Variants in GPR39 observed in about 807,000 individuals in gnomAD.
GPR39 encodes G protein-coupled receptor 39.
Under a neutral mutation model 18.4 loss-of-function variants are expected in GPR39, and 23 were observed. The observed-to-expected ratio is 1.25, with a 90% CI of 0.90 to 1.77. The LOEUF is 1.77. Among genes scored for constraint, GPR39 ranks in the 40% most tolerant of loss-of-function variants. GPR39 has a pLI of 0.00. For missense variants in GPR39, 647 were observed against 602.4 expected (o/e 1.07, Z -0.78); for synonymous variants, 280 against 257.9 (o/e 1.09, Z -0.82).
intron 1 of GPR39, among the ~76,000 whole-genome samples, chr2:132,565,024 G>A (rs970258673): frequency 6.6e-6 from 1 of 151,466 alleles, no homozygotes; most frequent in Non-Finnish European, 1.5e-5. Flanking sequence ...TCACCATGTT[G>A]GCCAGGATGG....
At chr2:132,497,366 C>T (rs1019284466) in intron 1 of GPR39, among the ~76,000 whole-genome samples, 2 of 147,674 alleles carry the variant, frequency 1.4e-5, no homozygotes, top group Non-Finnish European at 3.0e-5. Flanking sequence ...TTGTAGGGCC[C>T]AATGAGAGAG....
chr2:132,491,710 G>A (rs992299893), intron 1 of GPR39, among the ~76,000 whole-genome samples: 2 of 151,880 alleles, frequency 1.3e-5, no homozygotes, highest in African/African-American at 4.8e-5. Flanking sequence ...ATAGTAATCC[G>A]GGTGTGAATC....
intron 1 of GPR39, among the ~76,000 whole-genome samples, chr2:132,503,930 A>G (rs1573635587): frequency 6.6e-6 from 1 of 152,164 alleles, no homozygotes; most frequent in Non-Finnish European, 1.5e-5. Context: ...TGTAGTCCTA[A>G]TGGCCTCATT....
At chr2:132,529,024 G>C (rs1679560831) in intron 1 of GPR39, among the ~76,000 whole-genome samples, 1 of 152,108 alleles carries the variant, frequency 6.6e-6, no homozygotes, top group South Asian at 2.1e-4. Flanking sequence ...GTGGGTGCAG[G>C]ACAGTGGGTG....
chr2:132,592,369 G>T (rs1353519335), intron 1 of GPR39, among the ~76,000 whole-genome samples: 1 of 152,220 alleles, frequency 6.6e-6, no homozygotes, highest in African/African-American at 2.4e-5. Flanking sequence ...GGCACAGAAG[G>T]TCCAAAAGTC....
intron 1 of GPR39, among the ~76,000 whole-genome samples, chr2:132,545,655 CGTGTGT>C (rs35108024): frequency 2.7e-5 from 4 of 149,850 alleles, no homozygotes; most frequent in South Asian, 2.1e-4. Flanking sequence ...GTGTGATGGG[CGTGTGT>C]GTGTGTGTGT....
chr2:132,561,958 AC>A (rs1176201311), intron 1 of GPR39, among the ~76,000 whole-genome samples: 7 of 149,012 alleles, frequency 4.7e-5, no homozygotes, highest in African/African-American at 1.6e-4. Context: ...TACTAGGCCT[AC>A]CTATTCAAAT....
At chr2:132,545,569 G>T (rs1161319748) in intron 1 of GPR39, among the ~76,000 whole-genome samples, 1 of 152,100 alleles carries the variant, frequency 6.6e-6, no homozygotes, top group African/African-American at 2.4e-5. Context: ...ATCTGTCCCT[G>T]TTCCAGATCC....
intron 1 of GPR39, among the ~76,000 whole-genome samples, chr2:132,502,408 C>T (rs9646690): frequency 0.34 from 52,000 of 152,004 alleles, 10,156 homozygotes; most frequent in East Asian, 0.78. Context: ...GGACCCCAAT[C>T]GCTTCTAGCT....
At chr2:132,480,048 A>G (rs529921732) in intron 1 of GPR39, among the ~76,000 whole-genome samples, 7 of 152,220 alleles carry the variant, frequency 4.6e-5, no homozygotes, top group Non-Finnish European at 1.5e-5. Flanking sequence ...AACAGATGGT[A>G]TATACGTGTA....
chr2:132,550,275 AC>A (rs1680019094), intron 1 of GPR39, among the ~76,000 whole-genome samples: 1 of 152,258 alleles, frequency 6.6e-6, no homozygotes, highest in Admixed American at 6.5e-5. Flanking sequence ...ATGCTAGCTA[AC>A]GTGAAAAGGA....
intron 1 of GPR39, among the ~76,000 whole-genome samples, chr2:132,542,717 C>T (rs1197690891): frequency 6.6e-6 from 1 of 151,032 alleles, no homozygotes; most frequent in African/African-American, 2.5e-5. Context: ...CAAAAAATCA[C>T]TAGAAACATC....
chr2:132,566,247 T>A (rs1680348454), intron 1 of GPR39, among the ~76,000 whole-genome samples: 1 of 147,504 alleles, frequency 6.8e-6, no homozygotes, highest in South Asian at 2.2e-4. Flanking sequence ...TTGATGGGGT[T>A]GTTTGTTTTT....
At chr2:132,546,572 C>T (rs904457182) in intron 1 of GPR39, among the ~76,000 whole-genome samples, 3 of 152,044 alleles carry the variant, frequency 2.0e-5, no homozygotes, top group African/African-American at 7.3e-5. Context: ...CTTGTCTACC[C>T]AGTATTCCTA....
rs377509417 is a variant in GPR39, at chr2:132,509,358, ACC to A, written c.856+91462_856+91463del. ...ATCTCTAAATACTGCTTATTCTATA[ACC>A]CAAGGATAACCACTTGATAAATTTG... is the stretch of plus-strand genomic sequence containing the variant. On this transcript the variant is annotated intron_variant, in intron 1 of 1. Transcript: ENST00000329321. Among the ~76,000 whole-genome samples the A allele has an allele frequency of 1.9e-3, 284 of 152,264 alleles. 1 individual carries two copies. Among genetic ancestry groups the A allele is most frequent in the African/African-American group, 5.8e-3 (242 of 41,548 alleles).
At chr2:132,605,322 C>T (rs1258122803) in intron 1 of GPR39, among the ~76,000 whole-genome samples, 2 of 152,178 alleles carry the variant, frequency 1.3e-5, no homozygotes, top group Non-Finnish European at 2.9e-5. Flanking sequence ...GATGAGTAGA[C>T]ATCCCAGGCA....
intron 1 of GPR39, among the ~76,000 whole-genome samples, chr2:132,509,933 G>A (rs1230634271): frequency 6.6e-6 from 1 of 152,206 alleles, no homozygotes; most frequent in Non-Finnish European, 1.5e-5. Context: ...TGGCTGGTAG[G>A]AGAGGGGCTC....
chr2:132,562,053 C>T (rs1313440722), intron 1 of GPR39, among the ~76,000 whole-genome samples: 2 of 152,132 alleles, frequency 1.3e-5, no homozygotes, highest in African/African-American at 4.8e-5. Context: ...GTCAAGTTAA[C>T]CCAGAATATT....
intron 1 of GPR39, among the ~76,000 whole-genome samples, chr2:132,609,465 C>T (rs1681201941): frequency 6.6e-6 from 1 of 152,170 alleles, no homozygotes; most frequent in East Asian, 1.9e-4. Context: ...CAAAGTTGCA[C>T]AGTTGGAAAC....
Sources: allele counts gnomAD v4.1 joint callset (sites outside exome capture counted in the v4.1 genomes callset), GRCh38; gene constraint gnomAD v4.1.1; transcripts MANE v1.5; gene names NCBI Gene and HGNC (gene_info 2026-07-23, HGNC 2026-07-21).